Variants in MEIOB observed in about 807,000 individuals in gnomAD.
MEIOB encodes the protein meiosis-specific with OB domain-containing protein.
MEIOB carries 50 observed loss-of-function variants against 53.1 expected under a neutral mutation model. The observed-to-expected ratio is 0.94, with a 90% CI of 0.75 to 1.19. The LOEUF is 1.19. MEIOB is among the 50% of genes most tolerant of loss of function. MEIOB has a pLI of 0.00. For missense variants in MEIOB, 551 were observed against 550.8 expected, an observed-to-expected ratio of 1.00 and a Z score of 0.00; for synonymous variants, 192 against 182.5, an observed-to-expected ratio of 1.05 and a Z score of -0.42.
chr16:1,836,435 G>A (rs886244345), intron 13 of MEIOB, among the ~76,000 whole-genome samples: 10 of 152,202 alleles, frequency 6.6e-5, no homozygotes, highest in Admixed American at 2.6e-4. Flanking sequence ...GGTGCCTCCT[G>A]TCTGGAGGGA....
At chr16:1,858,480 G>T (rs1439645714) in intron 5 of MEIOB, among the ~76,000 whole-genome samples, 1 of 152,004 alleles carries the variant, frequency 6.6e-6, no homozygotes, top group African/African-American at 2.4e-5. Context: ...CCTCCCCACT[G>T]CTCGGCCTCA....
chr16:1,871,035 CTTAT>C (rs1447108913), intron 1 of MEIOB, among the ~76,000 whole-genome samples: 1 of 151,980 alleles, frequency 6.6e-6, no homozygotes, highest in African/African-American at 2.4e-5. Flanking sequence ...TCTGAATTCC[CTTAT>C]TTGTCTGCTA....
chr16:1,863,575 G>A lies in MEIOB; in HGVS notation c.128-1459C>T, dbSNP rs559821264. Reference sequence around the variant, plus strand: ...CTAATTTTGTACTTTTAGTAGAGACGGGGTTTCACCATGTTGGCCATGCTG... The same window carrying A: ...CTAATTTTGTACTTTTAGTAGAGACAGGGTTTCACCATGTTGGCCATGCTG... On this transcript the variant is annotated intron_variant, in intron 3 of 13. Coordinates refer to ENST00000325962, the MANE Select transcript of MEIOB (RefSeq NM_001163560.3). Among the ~76,000 whole-genome samples, 168 of 151,602 alleles carry A rather than the reference G, an allele frequency of 1.1e-3. 1 individual carries two copies. The highest frequency in any genetic ancestry group is 3.8e-3 in the African/African-American group (155 of 41,294).
At chr16:1,851,388 T>C (rs1246854968) in intron 9 of MEIOB, among the ~76,000 whole-genome samples, 3 of 152,192 alleles carry the variant, frequency 2.0e-5, no homozygotes, top group African/African-American at 4.8e-5. Flanking sequence ...CTCTAGGTCC[T>C]CCTGACTCTG....
At chr16:1,871,789 C>G (rs1403042303) in intron 1 of MEIOB, among the ~76,000 whole-genome samples, 1 of 64,206 alleles carries the variant, frequency 1.6e-5, no homozygotes, top group African/African-American at 5.9e-5. Flanking sequence ...GAAACCCCGT[C>G]TATACTAAAA....
At position 1,841,431 on chromosome 16, in the gene MEIOB, C is replaced by A. The variant is rs192261412; in HGVS notation, c.1034+389G>T. On this transcript the variant is annotated intron_variant, in intron 11 of 13. Transcript: ENST00000325962. Reference sequence around the variant, plus strand: ...CTGGGCTCAACCGATCCTCCCACCTCAGCCTCCTGAGTAGCTGAGACTACA... The same window carrying A: ...CTGGGCTCAACCGATCCTCCCACCTAAGCCTCCTGAGTAGCTGAGACTACA... Among the ~76,000 whole-genome samples the A allele has an allele frequency of 2.0e-5, 3 of 152,348 alleles. No individual in the cohort carries two copies. The East Asian group carries it at 5.8e-4, about 29-fold the overall frequency.
At position 1,860,417 on chromosome 16, in the gene MEIOB, G is replaced by T. The variant is rs143362679; in HGVS notation, c.318C>A (p.Ser106Arg). ...RKEIEREEKF[S>R]PATPSNCKLL... is the part of the protein sequence containing the mutation. ...CAGATGCTTACCTAGGAGTTGCAGG[G>T]CTGAATTTTTCTTCTCTTTCTATTT... The change falls in exon 5 of 14, where the codon AGC (serine) becomes AGA (arginine). Residue 106 changes from serine (S) to arginine (R), a missense_variant. Coordinates refer to ENST00000325962, the MANE Select transcript of MEIOB (RefSeq NM_001163560.3). 2.1e-3 allele frequency: 3,291 copies of T among 1,540,902 alleles called. 7 individuals are homozygous for T. The highest frequency in any genetic ancestry group is 2.5e-3 in the Middle Eastern group (15 of 5,970).
At chr16:1,856,612 C>T (rs1227243139) in intron 6 of MEIOB, among the ~76,000 whole-genome samples, 1 of 152,120 alleles carries the variant, frequency 6.6e-6, no homozygotes, top group Admixed American at 6.6e-5. Flanking sequence ...AGCCACCGCA[C>T]CAGGCCACCC....
At chr16:1,859,607 GT>G (rs1438501690) in intron 5 of MEIOB, among the ~76,000 whole-genome samples, 2 of 152,130 alleles carry the variant, frequency 1.3e-5, no homozygotes, top group African/African-American at 4.8e-5. Context: ...AGTTCACGGT[GT>G]TCATGAAATA....
chr16:1,837,374 T>C (rs1357573499), intron 13 of MEIOB, among the ~76,000 whole-genome samples: 3 of 152,084 alleles, frequency 2.0e-5, no homozygotes, highest in African/African-American at 7.2e-5. Context: ...TCTGACCTTT[T>C]GGGGTTCAGG....
chr16:1,868,032 G>C (rs1261735771), intron 2 of MEIOB, 75 bp downstream of exon 2: 1 of 780,720 alleles, frequency 1.3e-6, no homozygotes, highest in Admixed American at 2.3e-5. Flanking sequence ...TGTGTTGAAT[G>C]AATCAATAAC....
chr16:1,846,152 G>A (rs1899022234), intron 9 of MEIOB, among the ~76,000 whole-genome samples: 1 of 152,150 alleles, frequency 6.6e-6, no homozygotes, highest in Non-Finnish European at 1.5e-5. Context: ...TACTGATAAG[G>A]TCATGGGCGA....
At chr16:1,859,671 G>A (rs1899394094) in intron 5 of MEIOB, among the ~76,000 whole-genome samples, 1 of 152,216 alleles carries the variant, frequency 6.6e-6, no homozygotes, top group African/African-American at 2.4e-5. Flanking sequence ...TCTGGCATAA[G>A]ATGAGGTCAG....
Position 1,837,773 on chromosome 16 carries a change from A to C in MEIOB, c.1305+11T>G. On this transcript the variant is annotated intron_variant, in intron 13 of 13. Coordinates refer to ENST00000325962, the MANE Select transcript of MEIOB (RefSeq NM_001163560.3). Reference sequence around the variant, plus strand: ...TATATAGAATAATATGGGACTATAAAATGCACTAACTTTTAAATAAATTTT... The same window carrying C: ...TATATAGAATAATATGGGACTATAACATGCACTAACTTTTAAATAAATTTT... 2 of 1,382,096 alleles carry C rather than the reference A, an allele frequency of 1.4e-6. No individual in the cohort carries two copies. Among genetic ancestry groups the C allele is most frequent in the Non-Finnish European group, 2.0e-6 (2 of 1,005,952 alleles). 85.6% of individuals were successfully genotyped at this position (1,382,096 alleles called of 1,614,324 possible). A position where few individuals can be genotyped will look rare whatever the true frequency, so the allele number is the denominator to read the frequency against.
chr16:1,857,253 C>T (rs2150819502), intron 6 of MEIOB, among the ~76,000 whole-genome samples: 2 of 152,296 alleles, frequency 1.3e-5, no homozygotes, highest in Middle Eastern at 3.4e-3. Context: ...ACCTCACCAG[C>T]ATGGTCCCAC....
At chr16:1,868,474 G>A (rs1168502970) in intron 1 of MEIOB, among the ~76,000 whole-genome samples, 1 of 152,090 alleles carries the variant, frequency 6.6e-6, no homozygotes, top group Non-Finnish European at 1.5e-5. Flanking sequence ...GTTGCACTGA[G>A]CCGAGATCGC....
intron 5 of MEIOB, among the ~76,000 whole-genome samples, chr16:1,859,654 T>G (rs1899393497): frequency 1.3e-5 from 2 of 152,154 alleles, no homozygotes; most frequent in African/African-American, 2.4e-5. Context: ...GAAATGAGGC[T>G]TGAGAGTCTG....
At chr16:1,843,765 G>A (rs1898968305) in intron 10 of MEIOB, among the ~76,000 whole-genome samples, 1 of 150,854 alleles carries the variant, frequency 6.6e-6, no homozygotes, top group Non-Finnish European at 1.5e-5. Flanking sequence ...CAACATTAGT[G>A]AGGATGTGAA....
At chr16:1,859,975 G>C (rs866368834) in intron 5 of MEIOB, among the ~76,000 whole-genome samples, 2 of 152,134 alleles carry the variant, frequency 1.3e-5, no homozygotes, top group Non-Finnish European at 2.9e-5. Context: ...GTCTATCCTC[G>C]CAGGGTTCCC....
Sources: gnomAD v4.1 joint callset for allele counts (sites outside exome capture counted in the v4.1 genomes callset) on GRCh38, gnomAD v4.1.1 for gene constraint, MANE v1.5 for transcripts, NCBI Gene and HGNC (gene_info 2026-07-23, HGNC 2026-07-21) for gene names.